Variants in XKRX observed in about 807,000 individuals in gnomAD.
The protein encoded by XKRX is XK related X-linked, also known as XK-related protein 2.
Under a neutral mutation model 22.4 loss-of-function variants are expected in XKRX, and 11 were observed. The ratio of observed to expected loss-of-function variants is 0.49; its 90% CI spans 0.31 to 0.81. The LOEUF (loss-of-function observed/expected upper bound fraction) is 0.81. Ranked by LOEUF, XKRX falls within the 40% of genes least tolerant of loss-of-function variation. XKRX has a pLI of 0.05. For synonymous variants in XKRX, 114 were observed against 132.2 expected, an observed-to-expected ratio of 0.86 and a Z score of 0.94; for missense variants, 320 against 336.5, an observed-to-expected ratio of 0.95 and a Z score of 0.38.
At chrX:100,917,687 AAAGAAAGAAAG>A (rs2085449751) in intron 2 of XKRX, among the ~76,000 whole-genome samples, 5 of 93,783 alleles carry the variant, frequency 5.3e-5, no homozygotes, top group African/African-American at 1.8e-4. Flanking sequence ...AGAAAGAAAG[AAAGAAAGAAAG>A]AAAGAAAGAA....
the XKRX span, among the ~76,000 whole-genome samples, chrX:100,938,813 A>G: frequency 8.9e-6 from 1 of 112,430 alleles, no homozygotes; most frequent in Non-Finnish European, 1.9e-5. Context: ...GAAGAGGTCA[A>G]TCACCAAAGT....
the XKRX span, among the ~76,000 whole-genome samples, chrX:100,954,694 A>T: frequency 8.0e-5 from 9 of 112,672 alleles, no homozygotes; most frequent in African/African-American, 2.6e-4. Flanking sequence ...ATGAATAAAC[A>T]TAATGTGGTA....
the XKRX span, among the ~76,000 whole-genome samples, chrX:100,890,492 T>C: frequency 9.1e-6 from 1 of 110,088 alleles, no homozygotes; most frequent in Non-Finnish European, 1.9e-5. Context: ...ATACATGCTC[T>C]GATCTTTAGG....
At chrX:100,897,499 C>T in the XKRX span, among the ~76,000 whole-genome samples, 3 of 104,616 alleles carry the variant, frequency 2.9e-5, no homozygotes, top group African/African-American at 1.1e-4. Flanking sequence ...GCAAGAGAAT[C>T]GCTTGAACCG....
chrX:100,910,244 C>T (rs965933564), downstream of XKRX, among the ~76,000 whole-genome samples: 4 of 110,868 alleles, frequency 3.6e-5, no homozygotes, highest in Admixed American at 1.9e-4. Context: ...GCCTCCTCTC[C>T]ACTCAGCAAG....
intron 2 of XKRX, among the ~76,000 whole-genome samples, chrX:100,921,919 C>T (rs2085474755): frequency 9.7e-6 from 1 of 103,118 alleles, no homozygotes; most frequent in Non-Finnish European, 2.0e-5. Context: ...CTGCAAGCTC[C>T]GCCTCCCAGG....
the XKRX span, chrX:100,956,700 G>T: frequency 3.6e-6 from 2 of 555,350 alleles, no homozygotes. Flanking sequence ...TGAAGAGCAA[G>T]ATGATTGACA....
chrX:100,889,036 C>T, the XKRX span, among the ~76,000 whole-genome samples: 3 of 109,189 alleles, frequency 2.7e-5, no homozygotes, highest in South Asian at 4.0e-4. Context: ...GTCAGGAGTT[C>T]GAGACCAGTC....
chrX:100,930,579 T>A (rs1248923404), upstream of XKRX, among the ~76,000 whole-genome samples: 2 of 111,509 alleles, frequency 1.8e-5, no homozygotes, highest in Non-Finnish European at 3.8e-5. Context: ...GGTCTGCACC[T>A]ATGCTAGCAG....
At chrX:100,921,824 C>CTTTTTTTT (rs769704465) in intron 2 of XKRX, among the ~76,000 whole-genome samples, 1 of 56,360 alleles carries the variant, frequency 1.8e-5, no homozygotes, top group Non-Finnish European at 3.1e-5. Context: ...TAACCCCACG[C>CTTTTTTTT]TTTTTTTTTT....
chrX:100,942,299 G>A, the XKRX span, among the ~76,000 whole-genome samples: 2 of 111,912 alleles, frequency 1.8e-5, no homozygotes, highest in Non-Finnish European at 3.8e-5. Flanking sequence ...TCATTACTAG[G>A]TCAAATGCAT....
Position 100,928,445 on chromosome X carries a change from A to C in XKRX, c.-141T>G. 1 of 1,133,694 alleles carries C rather than the reference A, an allele frequency of 8.8e-7. No individual in the cohort carries two copies. The highest frequency in any genetic ancestry group is 1.2e-6 in the Non-Finnish European group (1 of 861,792). The allele number at this position is 1,133,694 out of a possible 1,213,427, so 93.4% of individuals were successfully genotyped here. On this transcript the variant is annotated 5_prime_UTR_variant, in exon 1 of 3. Coordinates refer to ENST00000372956, the MANE Select transcript of XKRX (RefSeq NM_212559.3). ...TCCAGTTTGGGAACAGAGATTCACT[A>C]GTTAGAGCAAGAAACCGCTCTCTTC...
At chrX:100,912,110 T>C (rs1279788875), downstream of XKRX, among the ~76,000 whole-genome samples, 1 of 111,874 alleles carries the variant, frequency 8.9e-6, no homozygotes, top group African/African-American at 3.2e-5. Flanking sequence ...AAATTATTGT[T>C]CCATGCTGCT....
the XKRX span, among the ~76,000 whole-genome samples, chrX:100,948,445 A>G: frequency 9.0e-6 from 1 of 111,728 alleles, no homozygotes; most frequent in African/African-American, 3.3e-5. Context: ...TGGATTACCT[A>G]GAGACCTTAG....
chrX:100,923,017 T>G lies in XKRX; in HGVS notation c.380A>C (p.Glu127Ala), dbSNP rs199868659. The G allele has an allele frequency of 9.4e-5, 114 of 1,210,181 alleles. No individual in the cohort carries two copies. Among genetic ancestry groups the G allele is most frequent in the Non-Finnish European group, 1.2e-4 (108 of 895,240 alleles). ...MIKYLTLWKK[E>A]EQEEPYVSLT... ...GCTGACATAGGGCTCCTCCTGCTCC[T>G]CTTTCTTCCACAGTGTGAGGTACTT... Residue 127 changes from glutamate to alanine, a missense_variant, in exon 2 of 3, where the codon GAG (glutamate) becomes GCG (alanine). Glu to Ala is a moderately radical substitution (Grantham distance 107, BLOSUM62 -1). Transcript: ENST00000372956.
chrX:100,916,847 G>A (rs750944803), intron 2 of XKRX, among the ~76,000 whole-genome samples: 1 of 112,541 alleles, frequency 8.9e-6, no homozygotes, highest in South Asian at 3.7e-4. Context: ...GGCTGGGCGC[G>A]GTGACTCATG....
chrX:100,917,683 A>AAAG (rs2085449470), intron 2 of XKRX, among the ~76,000 whole-genome samples: 9 of 88,238 alleles, frequency 1.0e-4, no homozygotes, highest in African/African-American at 1.4e-4. Context: ...GAAAAGAAAG[A>AAAG]AAGAAAGAAA....
Position 100,928,886 on chromosome X carries a change from G to A in XKRX, c.-582C>T. 1.3e-6 allele frequency: 1 copy of A among 744,688 alleles called. No individual in the cohort carries two copies. The highest frequency in any genetic ancestry group is 1.6e-6 in the Non-Finnish European group (1 of 630,548). 61.4% of individuals were successfully genotyped at this position (744,688 alleles called of 1,213,427 possible). A position where few individuals can be genotyped will look rare whatever the true frequency, so the allele number is the denominator to read the frequency against. On this transcript the variant is annotated 5_prime_UTR_variant, in exon 1 of 3. Coordinates refer to ENST00000372956, the MANE Select transcript of XKRX (RefSeq NM_212559.3). Reference sequence around the variant, plus strand: ...ATTGCTAGGCTGTAGCTATCAGCTGGCCCGCTCACCTGCGCGCTCTCAGGA... The same window carrying A: ...ATTGCTAGGCTGTAGCTATCAGCTGACCCGCTCACCTGCGCGCTCTCAGGA...
the XKRX span, among the ~76,000 whole-genome samples, chrX:100,894,277 T>C: frequency 9.0e-6 from 1 of 111,183 alleles, no homozygotes; most frequent in Non-Finnish European, 1.9e-5. Flanking sequence ...AAAATAATAA[T>C]AATAAGTACG....
Sources: allele counts gnomAD v4.1 joint callset (sites outside exome capture counted in the v4.1 genomes callset), GRCh38; gene constraint gnomAD v4.1.1; transcripts MANE v1.5; gene names NCBI Gene and HGNC (gene_info 2026-07-23, HGNC 2026-07-21).